MB21D2: variants seen among roughly 807,000 people sequenced by gnomAD.
The protein encoded by MB21D2 is Mab-21 domain containing 2, also known as nucleotidyltransferase MB21D2.
In MB21D2, 9 loss-of-function variants were observed where a neutral mutation model predicts 33.3. The ratio of observed to expected loss-of-function variants is 0.27; its 90% CI spans 0.16 to 0.47. The LOEUF (loss-of-function observed/expected upper bound fraction) is 0.47. MB21D2 is among the 20% of genes least tolerant of loss of function. The pLI, the probability that MB21D2 is intolerant of heterozygous loss-of-function variation, is 0.99. For synonymous variants in MB21D2, 241 were observed against 236.3 expected (o/e 1.02, Z -0.18); for missense variants, 540 against 624.6 (o/e 0.86, Z 1.44).
intron 1 of MB21D2, among the ~76,000 whole-genome samples, chr3:192,812,577 TGA>T (rs1174857190): frequency 4.6e-5 from 7 of 152,272 alleles, no homozygotes; most frequent in Non-Finnish European, 2.9e-5. Context: ...TGAGACATGA[TGA>T]AAGACTCCAG....
chr3:192,801,642 A>G (rs922035143), intron 1 of MB21D2, among the ~76,000 whole-genome samples: 3 of 152,180 alleles, frequency 2.0e-5, no homozygotes, highest in Admixed American at 1.3e-4. Flanking sequence ...GAAGACAGCC[A>G]TCTATGAACC....
intron 1 of MB21D2, among the ~76,000 whole-genome samples, chr3:192,852,878 T>G (rs974247326): frequency 3.9e-5 from 6 of 152,222 alleles, no homozygotes; most frequent in African/African-American, 1.4e-4. Flanking sequence ...TCCAAATTAC[T>G]CCAGGTTTTC....
Position 192,799,228 on chromosome 3 carries a change from T to C in MB21D2, c.634A>G (p.Lys212Glu), listed in dbSNP as rs1283440067. 6.2e-7 allele frequency: 1 copy of C among 1,614,206 alleles called. No homozygotes were observed. Among genetic ancestry groups the C allele is most frequent in the East Asian group, 2.2e-5 (1 of 44,882 alleles). Reference protein sequence around the residue: ...KPQRGMPKVEKVEKNGTIISI... With the variant: ...KPQRGMPKVEEVEKNGTIISI... The stretch of plus-strand genomic sequence containing the variant: ...ATGATGGTCCCATTTTTTTCCACCT[T>C]TTCTACCTTTGGCATCCCTCGCTGG... Residue 212 changes from lysine to glutamate, a missense_variant, in exon 2 of 2, where the codon AAG becomes GAG. Lys to Glu is a moderately conservative substitution (Grantham distance 56). Transcript: ENST00000392452. The surrounding 1 kb of genome is among the most constrained non-coding windows in gnomAD (Gnocchi z 4.1).
chr3:192,869,307 A>AGGGG (rs1395466582), intron 1 of MB21D2, among the ~76,000 whole-genome samples: 1 of 76,148 alleles, frequency 1.3e-5, no homozygotes, highest in African/African-American at 5.0e-5. Flanking sequence ...GGGAGGAGGG[A>AGGGG]AGGAGGGAAG....
At chr3:192,882,940 C>T (rs1390396049) in intron 1 of MB21D2, among the ~76,000 whole-genome samples, 1 of 151,932 alleles carries the variant, frequency 6.6e-6, no homozygotes, top group East Asian at 1.9e-4. Flanking sequence ...GCCATGTTGG[C>T]CAGGCTGGTC....
chr3:192,806,899 G>A (rs957881437), intron 1 of MB21D2, among the ~76,000 whole-genome samples: 2 of 152,112 alleles, frequency 1.3e-5, no homozygotes, highest in African/African-American at 2.4e-5. Flanking sequence ...ACCTGGATTC[G>A]AGTCCAATTC....
intron 1 of MB21D2, among the ~76,000 whole-genome samples, chr3:192,805,096 G>A (rs1711635483): frequency 6.6e-6 from 1 of 152,220 alleles, no homozygotes; most frequent in Non-Finnish European, 1.5e-5. Flanking sequence ...GCAAAGACCA[G>A]AATAACACAT....
At chr3:192,880,461 G>A (rs1294892061) in intron 1 of MB21D2, among the ~76,000 whole-genome samples, 1 of 152,104 alleles carries the variant, frequency 6.6e-6, no homozygotes, top group Non-Finnish European at 1.5e-5. Flanking sequence ...CCTTTTAAAG[G>A]AAGGAGGAGG....
chr3:192,912,896 T>TA (rs1714385164), intron 1 of MB21D2, among the ~76,000 whole-genome samples: 1 of 152,148 alleles, frequency 6.6e-6, no homozygotes. Flanking sequence ...ATTTCATCTT[T>TA]AAAAAGGGTA....
chr3:192,820,036 G>GTGGA (rs2108615836), intron 1 of MB21D2, among the ~76,000 whole-genome samples: 1 of 152,258 alleles, frequency 6.6e-6, no homozygotes, highest in African/African-American at 2.4e-5. Flanking sequence ...AGTAAGTTGG[G>GTGGA]TGGAATACAT....
rs1553860221 is a variant in MB21D2, at chr3:192,873,016, C to CCA, written c.211+44613_211+44614insTG. 6.6e-5 allele frequency among the ~76,000 whole-genome samples: 10 copies of CCA among 151,432 alleles called. No individual in the cohort carries two copies. The East Asian group carries it at 9.8e-4, about 15-fold the overall frequency. On this transcript the variant is annotated intron_variant, in intron 1 of 1. Transcript: ENST00000392452. The stretch of plus-strand genomic sequence containing the variant: ...TTCACAAGTTTAGAAGACACCCCCC[C>CCA]CCACCAAGCAAGCAACTCAAAATGC...
At chr3:192,819,692 A>C (rs1712003389) in intron 1 of MB21D2, among the ~76,000 whole-genome samples, 2 of 152,176 alleles carry the variant, frequency 1.3e-5, no homozygotes, top group Non-Finnish European at 2.9e-5. Flanking sequence ...CTTACAAAAG[A>C]TCTTCTATGC....
At chr3:192,889,818 C>A (rs772145644) in intron 1 of MB21D2, among the ~76,000 whole-genome samples, 4 of 152,084 alleles carry the variant, frequency 2.6e-5, no homozygotes, top group Non-Finnish European at 5.9e-5. Context: ...ACTGCTGGGA[C>A]TGAACTCAGT....
chr3:192,820,765 C>A (rs1712030700), intron 1 of MB21D2, among the ~76,000 whole-genome samples: 1 of 152,166 alleles, frequency 6.6e-6, no homozygotes. Flanking sequence ...TTTTCCATCC[C>A]CCCAAATCTT....
chr3:192,867,008 C>T (rs926547461), intron 1 of MB21D2, among the ~76,000 whole-genome samples: 12 of 152,264 alleles, frequency 7.9e-5, no homozygotes, highest in East Asian at 5.8e-4. Flanking sequence ...CTCCCTTGTG[C>T]GCCTGCATGC....
chr3:192,887,840 C>T (rs11707974), intron 1 of MB21D2, among the ~76,000 whole-genome samples: 73,991 of 151,826 alleles, frequency 0.49, 18,669 homozygotes, highest in South Asian at 0.68. Flanking sequence ...GAATGTGCAT[C>T]TGAGTCACCC....
At position 192,889,047 on chromosome 3, in the gene MB21D2, A is replaced by G. The variant is rs546864794; in HGVS notation, c.211+28583T>C. Reference sequence around the variant, plus strand: ...AGCCAGCCACTGGGAGGAGCATGGAAAGAACCCACCCAAGTCCCTGCCTTC... The same window carrying G: ...AGCCAGCCACTGGGAGGAGCATGGAGAGAACCCACCCAAGTCCCTGCCTTC... On this transcript the variant is annotated intron_variant, in intron 1 of 1. Transcript: ENST00000392452. 3.3e-5 allele frequency among the ~76,000 whole-genome samples: 5 copies of G among 152,200 alleles called. No homozygotes were observed. In the South Asian group the frequency reaches 8.3e-4, roughly 25 times the overall value.
At chr3:192,902,168 G>A (rs1324713303) in intron 1 of MB21D2, among the ~76,000 whole-genome samples, 1 of 152,176 alleles carries the variant, frequency 6.6e-6, no homozygotes, top group Non-Finnish European at 1.5e-5. Flanking sequence ...CCAGGAATCA[G>A]AACCGTAAAT....
At chr3:192,829,743 T>C (rs894460493) in intron 1 of MB21D2, among the ~76,000 whole-genome samples, 1 of 152,228 alleles carries the variant, frequency 6.6e-6, no homozygotes, top group Non-Finnish European at 1.5e-5. Flanking sequence ...TCTATAAATA[T>C]TGAGACAGGA....
Sources: allele counts gnomAD v4.1 joint callset (sites outside exome capture counted in the v4.1 genomes callset), GRCh38; gene constraint gnomAD v4.1.1; non-coding constraint Gnocchi (gnomAD v3.1); transcripts MANE v1.5; gene names NCBI Gene and HGNC (gene_info 2026-07-23, HGNC 2026-07-21).